Variants in DNAJC5B observed in about 807,000 individuals in gnomAD.
DNAJC5B encodes dnaJ homolog subfamily C member 5B.
DNAJC5B carries 23 observed loss-of-function variants against 24.7 expected under a neutral mutation model. That is an observed-to-expected ratio of 0.93 (90% CI 0.67 to 1.32). DNAJC5B has a LOEUF of 1.32. DNAJC5B is among the 40% of genes most tolerant of loss of function. The pLI, the probability that DNAJC5B is intolerant of heterozygous loss-of-function variation, is 0.00. For missense variants in DNAJC5B, 238 were observed against 240.8 expected (o/e 0.99, Z 0.08); for synonymous variants, 101 against 90.1 (o/e 1.12, Z -0.68).
chr8:66,020,903 G>C (rs1340956000), upstream of DNAJC5B, among the ~76,000 whole-genome samples: 3 of 152,112 alleles, frequency 2.0e-5, no homozygotes, highest in Non-Finnish European at 4.4e-5. Flanking sequence ...CTCCCAAAGT[G>C]CTGGGATTAC....
At chr8:66,038,821 A>G (rs1301687554) in intron 1 of DNAJC5B, among the ~76,000 whole-genome samples, 2 of 152,212 alleles carry the variant, frequency 1.3e-5, no homozygotes, top group Non-Finnish European at 2.9e-5. Flanking sequence ...TTGGTTTATT[A>G]CAGCAATTGC....
chr8:66,019,226 C>T (rs1008242697), upstream of DNAJC5B, among the ~76,000 whole-genome samples: 55 of 152,118 alleles, frequency 3.6e-4, no homozygotes, highest in African/African-American at 1.3e-3. Context: ...GCATATCCTG[C>T]CAGAGGAATA....
the DNAJC5B span, among the ~76,000 whole-genome samples, chr8:66,015,842 G>A: frequency 6.6e-6 from 1 of 152,198 alleles, no homozygotes; most frequent in Non-Finnish European, 1.5e-5. Context: ...TCACCACTAA[G>A]AATGAGAGGG....
intron 5 of DNAJC5B, 50 bp from the exon 6 acceptor site, chr8:66,099,887 G>C: frequency 6.5e-7 from 1 of 1,535,546 alleles, no homozygotes. Flanking sequence ...TTCATTAAAA[G>C]AACTGTAACA....
chr8:66,077,934 A>G (rs1807506517), intron 4 of DNAJC5B, among the ~76,000 whole-genome samples: 1 of 152,186 alleles, frequency 6.6e-6, no homozygotes, highest in South Asian at 2.1e-4. Flanking sequence ...GTTCCTGTTG[A>G]GCAGATTTGG....
At chr8:66,086,504 A>G (rs1807726727) in intron 5 of DNAJC5B, among the ~76,000 whole-genome samples, 1 of 152,170 alleles carries the variant, frequency 6.6e-6, no homozygotes, top group Non-Finnish European at 1.5e-5. Context: ...CTTTGAAGGA[A>G]CTATTAGCTA....
chr8:66,018,574 T>A (rs1458069091), upstream of DNAJC5B, among the ~76,000 whole-genome samples: 1 of 152,032 alleles, frequency 6.6e-6, no homozygotes, highest in East Asian at 1.9e-4. Context: ...CAGGCACTCT[T>A]TGGTTTGCTC....
chr8:66,093,086 T>C (rs985392286), intron 5 of DNAJC5B, among the ~76,000 whole-genome samples: 2 of 152,188 alleles, frequency 1.3e-5, no homozygotes, highest in African/African-American at 4.8e-5. Flanking sequence ...TTCATGTATT[T>C]TCACTGTTGT....
intron 4 of DNAJC5B, among the ~76,000 whole-genome samples, chr8:66,078,970 T>TA (rs1354667892): frequency 2.0e-5 from 3 of 152,212 alleles, no homozygotes; most frequent in Admixed American, 1.3e-4. Context: ...CTTAATTAGA[T>TA]AAAATCTGTG....
chr8:66,020,886 C>T (rs1229327431), upstream of DNAJC5B, among the ~76,000 whole-genome samples: 1 of 152,170 alleles, frequency 6.6e-6, no homozygotes, highest in African/African-American at 2.4e-5. Flanking sequence ...GATCCTCCCA[C>T]CTCAGCCTCC....
intron 5 of DNAJC5B, 75 bp downstream of exon 5, chr8:66,080,623 G>C (rs1807575147): frequency 1.5e-6 from 2 of 1,335,986 alleles, no homozygotes; most frequent in Non-Finnish European, 2.0e-6. Context: ...CACGGGGACA[G>C]CTATCACTAT....
At chr8:66,015,792 T>C in the DNAJC5B span, among the ~76,000 whole-genome samples, 1 of 152,010 alleles carries the variant, frequency 6.6e-6, no homozygotes, top group East Asian at 1.9e-4. Flanking sequence ...AAAAAGGGAA[T>C]AGTTAATGGT....
intron 5 of DNAJC5B, among the ~76,000 whole-genome samples, chr8:66,081,248 C>T (rs759572703): frequency 3.9e-5 from 6 of 152,046 alleles, no homozygotes; most frequent in Admixed American, 6.5e-5. Context: ...TTCACAGCAC[C>T]AGGAATACTT....
chr8:66,051,416 G>A (rs551974725), intron 2 of DNAJC5B, 115 bp from the exon 3 acceptor site: 9 of 682,788 alleles, frequency 1.3e-5, no homozygotes, highest in Admixed American at 2.5e-5. Flanking sequence ...TTTGTAGTTG[G>A]TACACAAATA....
intron 1 of DNAJC5B, among the ~76,000 whole-genome samples, chr8:66,042,461 A>T (rs1365594227): frequency 6.6e-6 from 1 of 152,240 alleles, no homozygotes; most frequent in Non-Finnish European, 1.5e-5. Context: ...ATACATTTTT[A>T]AAAAGCTACC....
intron 3 of DNAJC5B, among the ~76,000 whole-genome samples, chr8:66,055,191 T>C (rs1478848725): frequency 6.6e-6 from 1 of 152,184 alleles, no homozygotes; most frequent in Admixed American, 6.5e-5. Context: ...ATACAAATAT[T>C]ATTTTTTCAG....
chr8:66,041,146 A>G (rs2128957840), intron 1 of DNAJC5B, among the ~76,000 whole-genome samples: 2 of 152,326 alleles, frequency 1.3e-5, no homozygotes, highest in Admixed American at 1.3e-4. Context: ...TTTGAAATTT[A>G]CAAGTGATGG....
chr8:66,061,974 C>T (rs997260785), intron 3 of DNAJC5B, among the ~76,000 whole-genome samples: 2 of 151,874 alleles, frequency 1.3e-5, no homozygotes, highest in Non-Finnish European at 2.9e-5. Flanking sequence ...CAGCCGAGCC[C>T]CTTCCTGAGG....
chr8:66,085,695 G>T (rs1332973133), intron 5 of DNAJC5B, among the ~76,000 whole-genome samples: 2 of 151,912 alleles, frequency 1.3e-5, no homozygotes, highest in Non-Finnish European at 2.9e-5. Flanking sequence ...TTGCTCTCTT[G>T]TAGCTTTAAA....
Sources: allele counts gnomAD v4.1 joint callset (sites outside exome capture counted in the v4.1 genomes callset), GRCh38; gene constraint gnomAD v4.1.1; transcripts MANE v1.5; gene names NCBI Gene and HGNC (gene_info 2026-07-23, HGNC 2026-07-21).